The following STRADB variants were observed in gnomAD, a reference collection of about 807,000 sequenced individuals.
STRADB encodes STE20 related adaptor beta.
STRADB carries 34 observed loss-of-function variants against 52.1 expected under a neutral mutation model. The ratio of observed to expected loss-of-function variants is 0.65; its 90% CI spans 0.50 to 0.87. STRADB has a LOEUF of 0.87. Among genes scored for constraint, STRADB ranks in the 40% least tolerant of loss-of-function variants. The pLI, the probability that STRADB is intolerant of heterozygous loss-of-function variation, is 0.00. For missense variants in STRADB, 340 were observed against 483.9 expected, an observed-to-expected ratio of 0.70 and a Z score of 2.79; for synonymous variants, 133 against 174.5, an observed-to-expected ratio of 0.76 and a Z score of 1.87.
intron 4 of STRADB, among the ~76,000 whole-genome samples, chr2:201,470,822 T>A (rs895953381): frequency 6.6e-6 from 1 of 152,196 alleles, no homozygotes; most frequent in Non-Finnish European, 1.5e-5. Flanking sequence ...TAGGTTTTGT[T>A]ATAGACAACA....
At position 201,451,749 on chromosome 2, in the gene STRADB, G is replaced by C. The variant is rs551931970; in HGVS notation, c.-285G>C. 6.6e-6 allele frequency: 1 copy of C among 152,016 alleles called. No individual in the cohort carries two copies. The highest frequency in any genetic ancestry group is 1.5e-5 in the Non-Finnish European group (1 of 67,982). The allele number at this position is 152,016 out of a possible 1,614,324, so 9.4% of individuals were successfully genotyped here. On this transcript the variant is annotated 5_prime_UTR_variant, in exon 1 of 12. Transcript: ENST00000194530. ...CGGGTGGGGCGAATGCGTTCCCAGC[G>C]GGTAGCCTGGGACTGGTGCAGAGTT...
intron 1 of STRADB, among the ~76,000 whole-genome samples, chr2:201,452,517 G>T (rs372879771): frequency 6.6e-6 from 1 of 152,152 alleles, no homozygotes; most frequent in Non-Finnish European, 1.5e-5. Flanking sequence ...GTAACACGGC[G>T]CCTGCTTAGC....
intron 3 of STRADB, among the ~76,000 whole-genome samples, chr2:201,467,575 A>G (rs1952323450): frequency 6.6e-6 from 1 of 152,166 alleles, no homozygotes; most frequent in Non-Finnish European, 1.5e-5. Context: ...CTCGCTGAAC[A>G]ATTGTTTACC....
At chr2:201,469,540 G>C (rs1199830847) in intron 3 of STRADB, among the ~76,000 whole-genome samples, 1 of 152,190 alleles carries the variant, frequency 6.6e-6, no homozygotes, top group South Asian at 2.1e-4. Flanking sequence ...AACATCTTCA[G>C]TAGCAGAGCA....
At position 201,462,740 on chromosome 2, in the gene STRADB, A is replaced by T. The variant is rs1401631695; in HGVS notation, c.93+3876A>T. Reference sequence around the variant, plus strand: ...GTTTCTATTTATATCTTCTTGTACTATTTTGAAAAGGTATTGCAGTTATCA... The same window carrying T: ...GTTTCTATTTATATCTTCTTGTACTTTTTTGAAAAGGTATTGCAGTTATCA... On this transcript the variant is annotated intron_variant, in intron 3 of 11. Transcript: ENST00000194530. Among the ~76,000 whole-genome samples the T allele has an allele frequency of 2.0e-5, 3 of 152,150 alleles. No individual in the cohort carries two copies. The East Asian group carries it at 5.8e-4, about 29-fold the overall frequency.
At chr2:201,473,405 C>T (rs1952421377) in intron 5 of STRADB, among the ~76,000 whole-genome samples, 1 of 152,038 alleles carries the variant, frequency 6.6e-6, no homozygotes, top group African/African-American at 2.4e-5. Flanking sequence ...GGATGCAGTC[C>T]TGGAACCAAT....
intron 2 of STRADB, chr2:201,457,317 A>G (rs1202016822): frequency 4.6e-5 from 7 of 152,350 alleles, no homozygotes; most frequent in Middle Eastern, 3.4e-3. Context: ...GATATTTTCA[A>G]TATGAACAAC....
At chr2:201,470,250 G>A (rs1952368692) in intron 4 of STRADB, among the ~76,000 whole-genome samples, 198 bp downstream of exon 4, 1 of 152,124 alleles carries the variant, frequency 6.6e-6, no homozygotes, top group African/African-American at 2.4e-5. Context: ...TTACTGTCTA[G>A]AACGTTTACT....
chr2:201,456,594 GA>G (rs1390083623), intron 2 of STRADB, among the ~76,000 whole-genome samples: 2 of 151,952 alleles, frequency 1.3e-5, no homozygotes, highest in Non-Finnish European at 2.9e-5. Context: ...CCTTAAACGA[GA>G]AATTTGTGCA....
intron 5 of STRADB, among the ~76,000 whole-genome samples, chr2:201,473,421 A>AT (rs1479710137): frequency 1.3e-5 from 2 of 152,208 alleles, no homozygotes; most frequent in African/African-American, 2.4e-5. Context: ...CCAATGCTCC[A>AT]TGGATACTAA....
At position 201,458,808 on chromosome 2, in the gene STRADB, C is replaced by T. The variant is rs1299005687; in HGVS notation, c.37C>T (p.Gln13Ter). Residue 13 changes from glutamine to a stop codon, truncating the protein, a stop_gained, in exon 3 of 12, where the codon CAA becomes TAA. Coordinates refer to ENST00000194530, the MANE Select transcript of STRADB (RefSeq NM_018571.6). LOFTEE classifies it high-confidence loss of function. ...LLDCFCTSRTQVESLRPEKQS... is the reference protein window; with the variant it reads ...LLDCFCTSRT ...GGATTGCTTCTGCACTTCAAGAACA[C>T]AAGTTGAATCACTCAGACCTGAAAA... 3 of 1,613,854 alleles carry T rather than the reference C, an allele frequency of 1.9e-6. No homozygotes were observed. The highest frequency in any genetic ancestry group is 1.7e-6 in the Non-Finnish European group (2 of 1,179,874).
chr2:201,453,291 C>G (rs1020726873), intron 1 of STRADB, among the ~76,000 whole-genome samples: 9 of 152,084 alleles, frequency 5.9e-5, no homozygotes, highest in Non-Finnish European at 8.8e-5. Flanking sequence ...AACTTGCTGA[C>G]ATTGAGTGAA....
intron 5 of STRADB, 119 bp from the exon 6 acceptor site, chr2:201,474,528 C>G: frequency 1.4e-6 from 1 of 718,266 alleles, no homozygotes; most frequent in South Asian, 1.8e-5. Context: ...GATAAAAGCA[C>G]TAAGAACAGT....
At chr2:201,455,093 C>CT in intron 2 of STRADB, among the ~76,000 whole-genome samples, 1 of 152,278 alleles carries the variant, frequency 6.6e-6, no homozygotes, top group South Asian at 2.1e-4. Context: ...CCCATATCTA[C>CT]TTTTTCTCAT....
At chr2:201,477,938 T>G (rs1449073979) in intron 8 of STRADB, 148 bp downstream of exon 8, 2 of 1,177,984 alleles carry the variant, frequency 1.7e-6, no homozygotes, top group Non-Finnish European at 2.4e-6. Flanking sequence ...GTTAGGAAAT[T>G]AAATACCATA....
At chr2:201,470,661 T>C (rs1036244091) in intron 4 of STRADB, among the ~76,000 whole-genome samples, 2 of 152,220 alleles carry the variant, frequency 1.3e-5, no homozygotes, top group Non-Finnish European at 2.9e-5. Flanking sequence ...CTTCGTTTTA[T>C]GCACTGGAGG....
intron 3 of STRADB, among the ~76,000 whole-genome samples, chr2:201,464,483 A>C (rs1454667459): frequency 6.6e-6 from 1 of 152,150 alleles, no homozygotes; most frequent in East Asian, 1.9e-4. Flanking sequence ...GAGCTGGGCG[A>C]GGGGTGACAC....
intron 3 of STRADB, among the ~76,000 whole-genome samples, chr2:201,469,694 G>A (rs554563732): frequency 6.6e-6 from 1 of 152,216 alleles, no homozygotes; most frequent in South Asian, 2.1e-4. Context: ...ACATTTTACT[G>A]GAAATTACAC....
chr2:201,459,030 C>T (rs1306085318), intron 3 of STRADB, among the ~76,000 whole-genome samples, 166 bp downstream of exon 3: 1 of 152,116 alleles, frequency 6.6e-6, no homozygotes, highest in Non-Finnish European at 1.5e-5. Context: ...AATGCTCTAA[C>T]TTTGCCTTCT....
Sources: allele counts gnomAD v4.1 joint callset (sites outside exome capture counted in the v4.1 genomes callset), GRCh38; gene constraint gnomAD v4.1.1; transcripts MANE v1.5; gene names NCBI Gene and HGNC (gene_info 2026-07-23, HGNC 2026-07-21).